Variants in MXD3 observed in about 807,000 individuals in gnomAD.
MXD3 encodes Max-associated protein 3.
Under a neutral mutation model 27.5 loss-of-function variants are expected in MXD3, and 20 were observed. The ratio of observed to expected loss-of-function variants is 0.73; its 90% CI spans 0.51 to 1.06. The LOEUF (loss-of-function observed/expected upper bound fraction) is 1.06, where lower values mean the gene tolerates loss of function less well. Among genes scored for constraint, MXD3 ranks in the 50% least tolerant of loss-of-function variants. The pLI is 0.00. For synonymous variants in MXD3, 150 were observed against 130.7 expected (o/e 1.15, Z -1.01); for missense variants, 298 against 291.3 (o/e 1.02, Z -0.17).
Position 177,311,540 on chromosome 5 carries a change from C to T in MXD3, c.71-56G>A, listed in dbSNP as rs952594872. The T allele has an allele frequency of 4.0e-5, 53 of 1,320,682 alleles. No individual in the cohort carries two copies. In the South Asian group the frequency reaches 8.4e-4, roughly 21 times the overall value. 81.8% of individuals were successfully genotyped at this position (1,320,682 alleles called of 1,614,324 possible). Reference sequence around the variant, plus strand: ...CTGGGGCTGGACCTGGTCCCAGCGGCAGCCCCAGGCACAGCACGGTCAAGG... The same window carrying T: ...CTGGGGCTGGACCTGGTCCCAGCGGTAGCCCCAGGCACAGCACGGTCAAGG... On this transcript the variant is annotated intron_variant, in intron 1 of 5. Transcript: ENST00000439742.
At position 177,311,741 on chromosome 5, in the gene MXD3, A is replaced by G. The variant is rs747307215; in HGVS notation, c.70+20T>C. 6.2e-7 allele frequency: 1 copy of G among 1,610,884 alleles called. No homozygotes were observed. The highest frequency in any genetic ancestry group is 1.1e-5 in the South Asian group (1 of 90,414). On this transcript the variant is annotated intron_variant, in intron 1 of 5. Coordinates refer to ENST00000439742, the MANE Select transcript of MXD3 (RefSeq NM_031300.4). ...TCAGCGAGGTCGCCGCCCGGAATTC[A>G]GCCAAGGGTCCTTCCTCACCTCTCT... is the stretch of plus-strand genomic sequence containing the variant.
At position 177,307,551 on chromosome 5, in the gene MXD3, CGAGTA is replaced by C; in HGVS notation, c.*32_*36del. The C allele has an allele frequency of 6.2e-7, 1 of 1,604,396 alleles. No individual in the cohort carries two copies. Among genetic ancestry groups the C allele is most frequent in the Non-Finnish European group, 8.5e-7 (1 of 1,176,852 alleles). On this transcript the variant is annotated 3_prime_UTR_variant, in exon 6 of 6. Coordinates refer to ENST00000439742, the MANE Select transcript of MXD3 (RefSeq NM_031300.4). ...TCCTGCCTGGCAAGTGGGCCTGGCA[CGAGTA>C]GAGGGCAGAGGCCCGCCCTGGGTGA... is the stretch of plus-strand genomic sequence containing the variant.
Position 177,307,393 on chromosome 5 carries a change from T to C in MXD3, c.*195A>G. ...GGTCCAGGGAGGTCCTGATGAGTCC[T>C]GCCCCTTCCCTTCCAGAGGGCCTGC... On this transcript the variant is annotated 3_prime_UTR_variant, in exon 6 of 6. Coordinates refer to ENST00000439742, the MANE Select transcript of MXD3 (RefSeq NM_031300.4). The C allele has an allele frequency of 3.4e-6, 5 of 1,491,818 alleles. No individual in the cohort carries two copies. Among genetic ancestry groups the C allele is most frequent in the Non-Finnish European group, 4.5e-6 (5 of 1,100,034 alleles). The allele number at this position is 1,491,818 out of a possible 1,614,324, so 92.4% of individuals were successfully genotyped here.
At chr5:177,306,417 G>A (rs778084573), downstream of MXD3, 36 of 1,613,796 alleles carry the variant, frequency 2.2e-5, no homozygotes, top group Admixed American at 6.7e-5. Flanking sequence ...TGCCGTTCGC[G>A]ACAGGCGAGG....
upstream of MXD3, chr5:177,312,366 G>C (rs566856660): frequency 1.3e-5 from 13 of 985,730 alleles, no homozygotes; most frequent in Non-Finnish European, 1.6e-5. Flanking sequence ...CCTCGGGGCG[G>C]GGTCGGGGAG....
intron 4 of MXD3, among the ~76,000 whole-genome samples, chr5:177,308,279 G>A (rs1274129419): frequency 6.6e-6 from 1 of 152,210 alleles, no homozygotes; most frequent in Non-Finnish European, 1.5e-5. Flanking sequence ...TGGGAGCAGG[G>A]TGCACTGCTG....
chr5:177,309,980 C>T (rs1413431797), intron 4 of MXD3, among the ~76,000 whole-genome samples: 1 of 152,160 alleles, frequency 6.6e-6, no homozygotes, highest in Non-Finnish European at 1.5e-5. Flanking sequence ...CAGGTGGCAC[C>T]AGGATAGACT....
chr5:177,310,623 G>A, intron 3 of MXD3, 45 bp downstream of exon 3: 1 of 1,613,888 alleles, frequency 6.2e-7, no homozygotes, highest in Non-Finnish European at 8.5e-7. Context: ...CCAGAGGGCA[G>A]TGGCCCCTGG....
chr5:177,306,133 C>T (rs200628815), downstream of MXD3: 11 of 1,613,812 alleles, frequency 6.8e-6, no homozygotes, highest in Admixed American at 1.0e-4. Context: ...GCAACGTGAC[C>T]AAGACTATGA....
downstream of MXD3, chr5:177,305,711 T>C: frequency 1.6e-6 from 1 of 639,260 alleles, no homozygotes. Context: ...ACCTTATTTA[T>C]GGCTTCTTGT....
intron 2 of MXD3, 88 bp downstream of exon 2, chr5:177,311,291 A>C: frequency 1.1e-6 from 1 of 888,876 alleles, no homozygotes; most frequent in South Asian, 2.2e-5. Context: ...CTGGCCCAAA[A>C]GATGCAAGCA....
Position 177,311,466 on chromosome 5 carries a change from G to A in MXD3, c.89C>T (p.Ala30Val), listed in dbSNP as rs1204268937. The A allele has an allele frequency of 1.4e-5, 20 of 1,431,036 alleles. No homozygotes were observed. The highest frequency in any genetic ancestry group is 1.8e-5 in the Non-Finnish European group (20 of 1,094,402). 88.6% of individuals were successfully genotyped at this position (1,431,036 alleles called of 1,614,324 possible). A position where few individuals can be genotyped will look rare whatever the true frequency, so the allele number is the denominator to read the frequency against. ...TGGACTGCGATGCGGGCACAGGGAC[G>A]CATAACCATGCTCGGCCTCTGCCAG... ...RREREAEHGY[A>V]SLCPHRSPGP... The change falls in exon 2 of 6, where the codon GCG becomes GTG. Residue 30 changes from alanine (A) to valine (V), a missense_variant. Coordinates refer to ENST00000439742, the MANE Select transcript of MXD3 (RefSeq NM_031300.4).
rs750225310 is a variant in MXD3 at position 177,307,708 on chromosome 5, G to A, written c.506-5C>T. ...CCACATCCACCTCCAGCTCCTCTGC[G>A]CGGGGAGGGGTCCGGTCAGAAGACC... is the stretch of plus-strand genomic sequence containing the variant. On this transcript the variant is annotated splice_polypyrimidine_tract_variant and splice_region_variant and intron_variant, in intron 5 of 5. Transcript: ENST00000439742. The A allele has an allele frequency of 2.4e-5, 38 of 1,613,732 alleles. 1 individual carries two copies. Among genetic ancestry groups the A allele is most frequent in the East Asian group, 1.8e-4 (8 of 44,866 alleles).
chr5:177,306,083 C>G (rs1282647230), downstream of MXD3: 1 of 1,607,568 alleles, frequency 6.2e-7, no homozygotes, highest in Non-Finnish European at 8.5e-7. Flanking sequence ...CCTTCCCATT[C>G]TCATCTCATG....
At chr5:177,312,515 T>C (rs1481137354), upstream of MXD3, 1 of 985,380 alleles carries the variant, frequency 1.0e-6, no homozygotes, top group Non-Finnish European at 1.2e-6. Flanking sequence ...TGGGCCTCAA[T>C]GCGCAGGCGC....
At chr5:177,306,787 A>C (rs1695460806), downstream of MXD3, 7 of 876,558 alleles carry the variant, frequency 8.0e-6, no homozygotes, top group Non-Finnish European at 1.2e-5. Context: ...GGACCGAGGC[A>C]CAGAGGTGCG....
At chr5:177,308,608 G>A (rs889023895) in intron 4 of MXD3, among the ~76,000 whole-genome samples, 11 of 152,098 alleles carry the variant, frequency 7.2e-5, no homozygotes, top group Admixed American at 5.9e-4. Flanking sequence ...CCTGACCTCA[G>A]GTAATCCGCC....
At position 177,311,367 on chromosome 5, in the gene MXD3, C is replaced by G; in HGVS notation, c.176+12G>C. 1 of 1,434,586 alleles carries G rather than the reference C, an allele frequency of 7.0e-7. No homozygotes were observed. Among genetic ancestry groups the G allele is most frequent in the Non-Finnish European group, 9.1e-7 (1 of 1,100,686 alleles). 88.9% of individuals were successfully genotyped at this position (1,434,586 alleles called of 1,614,324 possible). On this transcript the variant is annotated intron_variant, in intron 2 of 5. Transcript: ENST00000439742. Reference sequence around the variant, plus strand: ...CCCCCACCCCCACTCCCGCCGCCCCCGGCCTCCTCACCGCCCGCTGTCCTG... The same window carrying G: ...CCCCCACCCCCACTCCCGCCGCCCCGGGCCTCCTCACCGCCCGCTGTCCTG...
upstream of MXD3, chr5:177,312,108 C>T: frequency 4.4e-6 from 5 of 1,143,094 alleles, no homozygotes; most frequent in Non-Finnish European, 4.3e-6. Flanking sequence ...CTGGAGCGAA[C>T]CCTCAGGCTA....
Sources: allele counts gnomAD v4.1 joint callset (sites outside exome capture counted in the v4.1 genomes callset), GRCh38; gene constraint gnomAD v4.1.1; transcripts MANE v1.5; gene names NCBI Gene and HGNC (gene_info 2026-07-23, HGNC 2026-07-21).